CCDC175: variants seen among roughly 807,000 people sequenced by gnomAD.
CCDC175 encodes coiled-coil domain-containing protein 175.
Under a neutral mutation model 114.6 loss-of-function variants are expected in CCDC175, and 100 were observed. The ratio of observed to expected loss-of-function variants is 0.87; its 90% CI spans 0.74 to 1.03. The LOEUF is 1.03. Among genes scored for constraint, CCDC175 ranks in the 50% least tolerant of loss-of-function variants. The pLI is 0.00. For missense variants in CCDC175, 880 were observed against 917.8 expected (o/e 0.96, Z 0.53); for synonymous variants, 306 against 308.7 (o/e 0.99, Z 0.09).
At position 59,563,623 on chromosome 14, in the gene CCDC175, T is replaced by A. The variant is rs574329753; in HGVS notation, c.843+114A>T. Reference sequence around the variant, plus strand: ...CTTTAAAGAAAGTGTCAGAAAATGTTAACGTGCAGAAAACATCCTCTCAGC... The same window carrying A: ...CTTTAAAGAAAGTGTCAGAAAATGTAAACGTGCAGAAAACATCCTCTCAGC... On this transcript the variant is annotated intron_variant, in intron 6 of 19. Coordinates refer to ENST00000537690, the MANE Select transcript of CCDC175 (RefSeq NM_001164399.2). The A allele has an allele frequency of 3.1e-5, 19 of 610,712 alleles. No homozygotes were observed. In the African/African-American group the frequency reaches 3.3e-4, roughly 10 times the overall value. 37.8% of individuals were successfully genotyped at this position (610,712 alleles called of 1,614,324 possible). A position where few individuals can be genotyped will look rare whatever the true frequency, so the allele number is the denominator to read the frequency against.
intron 19 of CCDC175, among the ~76,000 whole-genome samples, chr14:59,506,450 G>A (rs959039765): frequency 2.0e-5 from 3 of 151,994 alleles, no homozygotes; most frequent in African/African-American, 7.3e-5. Context: ...ATGACACCCA[G>A]CTAATTTTTG....
intron 17 of CCDC175, among the ~76,000 whole-genome samples, chr14:59,516,503 C>A (rs1893094433): frequency 6.6e-6 from 1 of 152,208 alleles, no homozygotes; most frequent in Admixed American, 6.5e-5. Context: ...ACCGATCCCA[C>A]AGAAATACAA....
chr14:59,524,551 A>G (rs867467822), intron 16 of CCDC175, among the ~76,000 whole-genome samples: 1 of 152,194 alleles, frequency 6.6e-6, no homozygotes, highest in African/African-American at 2.4e-5. Context: ...ACCCATTAGA[A>G]TGGTTAAATT....
rs1225440907 is a variant in CCDC175, at chr14:59,543,493, T to C, written c.1173-39A>G. On this transcript the variant is annotated intron_variant, in intron 9 of 19. Coordinates refer to ENST00000537690, the MANE Select transcript of CCDC175 (RefSeq NM_001164399.2). ...CAGAGTTATTTGTTGAAGGCTGACA[T>C]AAATATGCAAACACAAATAAGAATT... The C allele has an allele frequency of 4.1e-6, 3 of 732,352 alleles. No individual in the cohort carries two copies. In the East Asian group the frequency reaches 9.0e-5, roughly 22 times the overall value. The allele number at this position is 732,352 out of a possible 1,614,324, so 45.4% of individuals were successfully genotyped here.
chr14:59,521,866 G>A (rs148869013), intron 16 of CCDC175, among the ~76,000 whole-genome samples, 190 bp from the exon 17 acceptor site: 162 of 152,310 alleles, frequency 1.1e-3, no homozygotes, highest in Admixed American at 2.4e-3. Flanking sequence ...AAAGGATTCT[G>A]CTTCCTATGA....
chr14:59,520,461 T>C (rs140075691), intron 17 of CCDC175, among the ~76,000 whole-genome samples: 18 of 152,310 alleles, frequency 1.2e-4, no homozygotes, highest in African/African-American at 3.8e-4. Flanking sequence ...AAGTTAATCA[T>C]ACACTAATTG....
At chr14:59,544,923 C>A (rs1175276197) in intron 9 of CCDC175, among the ~76,000 whole-genome samples, 1 of 152,202 alleles carries the variant, frequency 6.6e-6, no homozygotes, top group African/African-American at 2.4e-5. Flanking sequence ...CTCACTCAGA[C>A]TTCCAGCCTC....
chr14:59,551,116 C>T, intron 8 of CCDC175: 1 of 320,006 alleles, frequency 3.1e-6, no homozygotes, highest in African/African-American at 2.1e-5. Context: ...CCTAAGGTAC[C>T]CATACTCACA....
chr14:59,566,636 G>A (rs1022977912), intron 4 of CCDC175, among the ~76,000 whole-genome samples: 3 of 152,184 alleles, frequency 2.0e-5, no homozygotes, highest in Non-Finnish European at 4.4e-5. Context: ...CTCACTAGGT[G>A]TGTTGTGATG....
At chr14:59,555,063 C>T (rs1206915393) in intron 7 of CCDC175, among the ~76,000 whole-genome samples, 1 of 152,218 alleles carries the variant, frequency 6.6e-6, no homozygotes, top group Non-Finnish European at 1.5e-5. Context: ...ACCATTACTT[C>T]TGAAACTATT....
chr14:59,558,752 C>T (rs139131200), intron 7 of CCDC175, among the ~76,000 whole-genome samples: 208 of 152,116 alleles, frequency 1.4e-3, no homozygotes, highest in African/African-American at 4.8e-3. Flanking sequence ...GTAAGGTGTA[C>T]AGTATCTGCA....
chr14:59,553,911 C>T (rs1452405708), intron 7 of CCDC175, among the ~76,000 whole-genome samples: 2 of 152,154 alleles, frequency 1.3e-5, no homozygotes, highest in Non-Finnish European at 2.9e-5. Flanking sequence ...ACATGAAGAG[C>T]TAACTATCCT....
intron 6 of CCDC175, among the ~76,000 whole-genome samples, chr14:59,563,148 TTA>T (rs1896318372): frequency 6.6e-6 from 1 of 152,202 alleles, no homozygotes; most frequent in South Asian, 2.1e-4. Context: ...ACCACTTCAA[TTA>T]TAGTCACCTC....
At position 59,518,751 on chromosome 14, in the gene CCDC175, T is replaced by A. The variant is rs556976591; in HGVS notation, c.2098+2823A>T. ...TAAACTAGTTCAACCATTGTGGAAG[T>A]CAGTGTGGTGATTCCTCAGGGATCT... On this transcript the variant is annotated intron_variant, in intron 17 of 19. Transcript: ENST00000537690. Among the ~76,000 whole-genome samples, 29 of 152,064 alleles carry A rather than the reference T, an allele frequency of 1.9e-4. 1 individual carries two copies. The highest frequency in any genetic ancestry group is 7.0e-4 in the African/African-American group (29 of 41,406).
rs569724847 is a variant in CCDC175 at position 59,525,486 on chromosome 14, G to C, written c.1843-52C>G. ...TCTCTGAGTTCAAACAGTAGGGCACGAGGGTATTATACTGCCTAGGTCACA... is the reference window on the plus strand; with the variant it reads ...TCTCTGAGTTCAAACAGTAGGGCACCAGGGTATTATACTGCCTAGGTCACA... On this transcript the variant is annotated intron_variant, in intron 15 of 19. Coordinates refer to ENST00000537690, the MANE Select transcript of CCDC175 (RefSeq NM_001164399.2). 4,231 of 1,377,588 alleles carry C rather than the reference G, an allele frequency of 3.1e-3. 14 individuals carry two copies. The highest frequency in any genetic ancestry group is 3.9e-3 in the Non-Finnish European group (4,018 of 1,024,954). 85.3% of individuals were successfully genotyped at this position (1,377,588 alleles called of 1,614,324 possible). A position where few individuals can be genotyped will look rare whatever the true frequency, so the allele number is the denominator to read the frequency against.
chr14:59,507,133 T>C (rs1364949620), intron 19 of CCDC175, among the ~76,000 whole-genome samples: 2 of 152,222 alleles, frequency 1.3e-5, no homozygotes, highest in Non-Finnish European at 2.9e-5. Flanking sequence ...GGAAGAAGTC[T>C]GGCCTTTAAT....
At chr14:59,510,476 A>G in intron 19 of CCDC175, 170 bp downstream of exon 19, 1 of 693,370 alleles carries the variant, frequency 1.4e-6, no homozygotes, top group South Asian at 1.5e-5. Context: ...GGATAACACT[A>G]CAAGAGTATT....
chr14:59,545,723 A>G (rs921244338), intron 8 of CCDC175, among the ~76,000 whole-genome samples: 4 of 152,200 alleles, frequency 2.6e-5, no homozygotes, highest in Admixed American at 2.6e-4. Context: ...AAAAAATAGT[A>G]CCCACCAGTG....
intron 11 of CCDC175, 84 bp from the exon 12 acceptor site, chr14:59,538,924 C>A: frequency 8.0e-7 from 1 of 1,242,508 alleles, no homozygotes; most frequent in South Asian, 1.5e-5. Context: ...CAAAACAAGT[C>A]ATACTATGAC....
Sources: allele counts gnomAD v4.1 joint callset (sites outside exome capture counted in the v4.1 genomes callset), GRCh38; gene constraint gnomAD v4.1.1; transcripts MANE v1.5; gene names NCBI Gene and HGNC (gene_info 2026-07-23, HGNC 2026-07-21).